ZNF679: variants seen among roughly 807,000 people sequenced by gnomAD.
The protein encoded by ZNF679 is zinc finger protein 679.
In ZNF679, 10 loss-of-function variants were observed where a neutral mutation model predicts 13.4. The ratio of observed to expected loss-of-function variants is 0.75; its 90% CI spans 0.46 to 1.27. The LOEUF is 1.27. Ranked by LOEUF, ZNF679 falls within the 50% of genes most tolerant of loss-of-function variation. The pLI is 0.00. For missense variants in ZNF679, 525 were observed against 477.8 expected, an observed-to-expected ratio of 1.10 and a Z score of -0.92; for synonymous variants, 179 against 162.5, an observed-to-expected ratio of 1.10 and a Z score of -0.77.
At position 64,230,257 on chromosome 7, in the gene ZNF679, G is replaced by C. The variant is rs563134408; in HGVS notation, c.-91+1605G>C. Among the ~76,000 whole-genome samples the C allele has an allele frequency of 5.3e-5, 8 of 152,254 alleles. No homozygotes were observed. In the South Asian group the frequency reaches 1.7e-3, roughly 32 times the overall value. On this transcript the variant is annotated intron_variant, in intron 1 of 4. Transcript: ENST00000421025. ...CCCTAAGAAAAGGGCCAAGAGGCCG[G>C]GCGCGGTGGCTCACGCCTGTAATCC...
intron 1 of ZNF679, among the ~76,000 whole-genome samples, chr7:64,236,953 GA>G (rs376584877): frequency 0.025 from 1,478 of 60,318 alleles, 21 homozygotes; most frequent in South Asian, 0.032. Flanking sequence ...AAGAAAGAAA[GA>G]AAGAAAGAAA....
chr7:64,243,437 A>G (rs1787825830), intron 1 of ZNF679, among the ~76,000 whole-genome samples: 1 of 152,190 alleles, frequency 6.6e-6, no homozygotes, highest in South Asian at 2.1e-4. Context: ...CCACCCTGTA[A>G]ACATGTTCCA....
intron 1 of ZNF679, among the ~76,000 whole-genome samples, chr7:64,230,933 A>G (rs111642504): frequency 2.0e-5 from 3 of 152,208 alleles, no homozygotes; most frequent in African/African-American, 7.2e-5. Flanking sequence ...ATTCACATAT[A>G]AGAGTCACAG....
intron 1 of ZNF679, among the ~76,000 whole-genome samples, chr7:64,229,414 C>T (rs1050151900): frequency 6.6e-6 from 1 of 152,242 alleles, no homozygotes; most frequent in South Asian, 2.1e-4. Context: ...GTGAGTTAGT[C>T]AAGAAATGAC....
chr7:64,236,107 A>G (rs1787707633), intron 1 of ZNF679, among the ~76,000 whole-genome samples: 1 of 151,812 alleles, frequency 6.6e-6, no homozygotes, highest in Non-Finnish European at 1.5e-5. Flanking sequence ...TCTACTAAAA[A>G]TACAAAAATT....
intron 2 of ZNF679, among the ~76,000 whole-genome samples, chr7:64,249,407 T>G (rs1032075372): frequency 6.6e-6 from 1 of 152,156 alleles, no homozygotes; most frequent in Non-Finnish European, 1.5e-5. Flanking sequence ...TGGGCAGCTC[T>G]GCACTCCCAG....
chr7:64,236,979 GAAAGAAAGAAAGAAAGAAAGAA>G (rs879897771), intron 1 of ZNF679, among the ~76,000 whole-genome samples: 7,927 of 64,186 alleles, frequency 0.12, 804 homozygotes, highest in African/African-American at 0.28. Context: ...GAAAGAAAAA[GAAAGAAAGAAAGAAAGAAAGAA>G]AAAGAAAGAA....
At chr7:64,256,618 A>C in intron 2 of ZNF679, among the ~76,000 whole-genome samples, 1 of 144,134 alleles carries the variant, frequency 6.9e-6, no homozygotes, top group East Asian at 2.1e-4. Context: ...TATTTGAATT[A>C]TTTCTTTTTT....
At chr7:64,237,243 C>T (rs1358830911) in intron 1 of ZNF679, among the ~76,000 whole-genome samples, 1 of 152,138 alleles carries the variant, frequency 6.6e-6, no homozygotes, top group Non-Finnish European at 1.5e-5. Flanking sequence ...ACTTACGTAG[C>T]CTATAGGTGG....
intron 1 of ZNF679, among the ~76,000 whole-genome samples, chr7:64,246,095 G>T (rs540449494): frequency 6.6e-6 from 1 of 152,228 alleles, no homozygotes; most frequent in South Asian, 2.1e-4. Flanking sequence ...TACGGAGAGG[G>T]GCCTCTCACC....
chr7:64,262,065 A>G (rs1479920256), intron 4 of ZNF679, among the ~76,000 whole-genome samples: 1 of 152,138 alleles, frequency 6.6e-6, no homozygotes, highest in Non-Finnish European at 1.5e-5. Context: ...CATGTTGGTC[A>G]GGTTGGTCTC....
chr7:64,259,191 C>T (rs572762082), intron 2 of ZNF679, among the ~76,000 whole-genome samples: 2 of 152,256 alleles, frequency 1.3e-5, no homozygotes, highest in African/African-American at 2.4e-5. Flanking sequence ...GGATTACAGG[C>T]GTGAGCTACC....
At chr7:64,257,718 A>G (rs1193633237) in intron 2 of ZNF679, among the ~76,000 whole-genome samples, 3 of 152,218 alleles carry the variant, frequency 2.0e-5, no homozygotes, top group African/African-American at 4.8e-5. Context: ...AACAAAAAAT[A>G]TAATATTTCA....
At chr7:64,232,582 T>C (rs1459073572) in intron 1 of ZNF679, among the ~76,000 whole-genome samples, 1 of 152,184 alleles carries the variant, frequency 6.6e-6, no homozygotes, top group Non-Finnish European at 1.5e-5. Flanking sequence ...GTAAGCAGAA[T>C]GCAGGCAGGC....
intron 2 of ZNF679, among the ~76,000 whole-genome samples, chr7:64,259,733 G>A (rs1356447610): frequency 6.6e-6 from 1 of 152,076 alleles, no homozygotes; most frequent in Non-Finnish European, 1.5e-5. Context: ...TTCAAGACAA[G>A]CCTGGCCAAC....
intron 1 of ZNF679, among the ~76,000 whole-genome samples, chr7:64,247,270 G>T (rs932648807): frequency 2.0e-5 from 3 of 152,030 alleles, no homozygotes; most frequent in Admixed American, 6.6e-5. Flanking sequence ...TAGAATGCCC[G>T]ACCTCATGGA....
chr7:64,245,117 C>T (rs528041480), intron 1 of ZNF679, among the ~76,000 whole-genome samples: 2 of 152,232 alleles, frequency 1.3e-5, no homozygotes, highest in African/African-American at 2.4e-5. Flanking sequence ...CCTCTGCTTC[C>T]CAAGTTCAAG....
intron 1 of ZNF679, among the ~76,000 whole-genome samples, chr7:64,239,845 T>G (rs901823288): frequency 1.3e-5 from 2 of 152,130 alleles, no homozygotes; most frequent in African/African-American, 2.4e-5. Context: ...AACATGATGA[T>G]GTGATTCTCC....
At chr7:64,243,480 G>A (rs961998364) in intron 1 of ZNF679, among the ~76,000 whole-genome samples, 1 of 152,158 alleles carries the variant, frequency 6.6e-6, no homozygotes, top group Non-Finnish European at 1.5e-5. Context: ...TAGGTGATGG[G>A]CCCAGTGATA....
Sources: gnomAD v4.1 joint callset for allele counts (sites outside exome capture counted in the v4.1 genomes callset) on GRCh38, gnomAD v4.1.1 for gene constraint, MANE v1.5 for transcripts, NCBI Gene and HGNC (gene_info 2026-07-23, HGNC 2026-07-21) for gene names.